IRAK1BP1: variants seen among roughly 807,000 people sequenced by gnomAD.
IRAK1BP1 encodes interleukin 1 receptor associated kinase 1 binding protein 1, also known as interleukin-1 receptor-associated kinase 1-binding protein 1.
IRAK1BP1 carries 24 observed loss-of-function variants against 28.0 expected under a neutral mutation model. That is an observed-to-expected ratio of 0.86 (90% CI 0.62 to 1.20). IRAK1BP1 has a LOEUF of 1.20. Ranked by LOEUF, IRAK1BP1 falls within the 50% of genes most tolerant of loss-of-function variation. IRAK1BP1 has a pLI of 0.00. For missense variants in IRAK1BP1, 336 were observed against 316.7 expected (o/e 1.06, Z -0.46); for synonymous variants, 131 against 116.3 (o/e 1.13, Z -0.81).
At chr6:78,898,028 G>A in intron 3 of IRAK1BP1, 36 bp from the exon 4 acceptor site, 1 of 1,604,922 alleles carries the variant, frequency 6.2e-7, no homozygotes, top group Non-Finnish European at 8.5e-7. Flanking sequence ...ATTTCATTGA[G>A]TGTCATATTA....
the IRAK1BP1 span, among the ~76,000 whole-genome samples, chr6:78,979,201 T>C: frequency 2.0e-5 from 3 of 151,952 alleles, no homozygotes; most frequent in Non-Finnish European, 4.4e-5. Context: ...ACACTTATTC[T>C]AGAAAAAATG....
chr6:78,966,925 C>T, the IRAK1BP1 span, among the ~76,000 whole-genome samples: 1 of 152,148 alleles, frequency 6.6e-6, no homozygotes, highest in South Asian at 2.1e-4. Context: ...TATTTTTGAA[C>T]TTCATTTTCC....
At chr6:78,978,268 T>G in the IRAK1BP1 span, among the ~76,000 whole-genome samples, 2 of 152,056 alleles carry the variant, frequency 1.3e-5, no homozygotes, top group Non-Finnish European at 2.9e-5. Flanking sequence ...TAACATGTTA[T>G]ACATTAAGCC....
the IRAK1BP1 span, among the ~76,000 whole-genome samples, chr6:78,971,892 C>T: frequency 1.3e-5 from 2 of 152,180 alleles, no homozygotes; most frequent in South Asian, 2.1e-4. Flanking sequence ...CACGGAGTCT[C>T]GCTGATTGCT....
At chr6:78,893,314 G>GTGTGTA (rs1273555034) in intron 2 of IRAK1BP1, among the ~76,000 whole-genome samples, 1 of 103,432 alleles carries the variant, frequency 9.7e-6, no homozygotes, top group African/African-American at 3.4e-5. Context: ...GTGTGTGTGT[G>GTGTGTA]TATATATATA....
chr6:78,964,700 T>C, the IRAK1BP1 span, among the ~76,000 whole-genome samples: 54 of 151,920 alleles, frequency 3.6e-4, no homozygotes, highest in African/African-American at 1.3e-3. Flanking sequence ...ACCATGTTGG[T>C]CAGGCTGCTC....
chr6:78,953,833 G>A, the IRAK1BP1 span, among the ~76,000 whole-genome samples: 4 of 152,212 alleles, frequency 2.6e-5, no homozygotes, highest in African/African-American at 9.6e-5. Flanking sequence ...TGATCCGCCT[G>A]CCTTGGCTTC....
chr6:78,959,086 A>C, the IRAK1BP1 span, among the ~76,000 whole-genome samples: 862 of 152,260 alleles, frequency 5.7e-3, 12 homozygotes, highest in African/African-American at 0.02. Flanking sequence ...AAAATCATAA[A>C]AATATAGCAT....
chr6:78,958,334 G>C, the IRAK1BP1 span: 1 of 573,188 alleles, frequency 1.7e-6, no homozygotes, highest in Non-Finnish European at 3.1e-6. Context: ...TAGATCTTCA[G>C]TCTAATGCTC....
chr6:78,871,856 C>A, intron 1 of IRAK1BP1: 1 of 471,358 alleles, frequency 2.1e-6, no homozygotes, highest in Admixed American at 4.2e-5. Context: ...GCTATTGATA[C>A]CACTACTTGT....
At position 78,903,028 on chromosome 6, in the gene IRAK1BP1, A is replaced by T; in HGVS notation, c.*4694A>T. The T allele has an allele frequency of 2.1e-6, 2 of 964,892 alleles. No individual in the cohort carries two copies. Among genetic ancestry groups the T allele is most frequent in the Non-Finnish European group, 2.8e-6 (2 of 706,466 alleles). The allele number at this position is 964,892 out of a possible 1,614,324, so 59.8% of individuals were successfully genotyped here. On this transcript the variant is annotated 3_prime_UTR_variant, in exon 4 of 4. Coordinates refer to ENST00000369940, the MANE Select transcript of IRAK1BP1 (RefSeq NM_001010844.4). ...ATCCTTCTTCAACATCCCAACCAAC[A>T]ATTACTCCCAGATAGCCATGTCACC...
chr6:78,911,161 C>T (rs893656903), intron 4 of IRAK1BP1, among the ~76,000 whole-genome samples: 1 of 152,086 alleles, frequency 6.6e-6, no homozygotes, highest in African/African-American at 2.4e-5. Flanking sequence ...CCATTCCTAT[C>T]GCGACTGCTT....
intron 4 of IRAK1BP1, among the ~76,000 whole-genome samples, chr6:78,923,716 G>A (rs991044970): frequency 6.6e-6 from 1 of 152,096 alleles, no homozygotes; most frequent in Non-Finnish European, 1.5e-5. Flanking sequence ...ATAACAAACT[G>A]TGTCTCAGAC....
chr6:78,936,991 C>T (rs1729433150), intron 4 of IRAK1BP1: 2 of 151,588 alleles, frequency 1.3e-5, no homozygotes, highest in South Asian at 4.1e-4. Flanking sequence ...GTAACAAAAC[C>T]ACTGCTCAAT....
At chr6:78,932,585 AT>A (rs1773088044) in intron 4 of IRAK1BP1, among the ~76,000 whole-genome samples, 1 of 151,724 alleles carries the variant, frequency 6.6e-6, no homozygotes, top group African/African-American at 2.4e-5. Context: ...AGCCTGGCTA[AT>A]TTTTGTATTT....
chr6:78,926,795 T>G (rs1427187361), intron 4 of IRAK1BP1, among the ~76,000 whole-genome samples: 1 of 152,042 alleles, frequency 6.6e-6, no homozygotes, highest in Non-Finnish European at 1.5e-5. Flanking sequence ...TAAGAACATA[T>G]GATGTTTGTC....
intron 1 of IRAK1BP1, among the ~76,000 whole-genome samples, chr6:78,884,331 G>T (rs1036225656): frequency 2.0e-5 from 3 of 151,648 alleles, no homozygotes; most frequent in African/African-American, 7.3e-5. Flanking sequence ...ATTTTGAAAG[G>T]TACAAAAAAA....
intron 1 of IRAK1BP1, chr6:78,871,522 A>G: frequency 1.0e-6 from 1 of 985,420 alleles, no homozygotes; most frequent in Non-Finnish European, 1.2e-6. Flanking sequence ...CTTACCTTAC[A>G]TCATGACACA....
intron 1 of IRAK1BP1, among the ~76,000 whole-genome samples, chr6:78,884,888 G>C (rs1386842953): frequency 6.6e-6 from 1 of 151,962 alleles, no homozygotes; most frequent in Non-Finnish European, 1.5e-5. Context: ...CTAAGAAATA[G>C]TTTAAAATGG....
Sources: allele counts gnomAD v4.1 joint callset (sites outside exome capture counted in the v4.1 genomes callset), GRCh38; gene constraint gnomAD v4.1.1; transcripts MANE v1.5; gene names NCBI Gene and HGNC (gene_info 2026-07-23, HGNC 2026-07-21).